Variants in ADAMTSL1 observed in about 807,000 individuals in gnomAD.
ADAMTSL1 encodes the protein ADAMTS-like protein 1.
In ADAMTSL1, 126 loss-of-function variants were observed where a neutral mutation model predicts 201.8. The ratio of observed to expected loss-of-function variants is 0.62; its 90% CI spans 0.54 to 0.72. The LOEUF is 0.72. Ranked by LOEUF, ADAMTSL1 falls within the 30% of genes least tolerant of loss-of-function variation. ADAMTSL1 has a pLI of 0.00. For missense variants in ADAMTSL1, 2,679 were observed against 2,277.8 expected (o/e 1.18, Z -3.59); for synonymous variants, 1,121 against 903.4 (o/e 1.24, Z -4.32).
chr9:18,838,360 TACACACACAC>T (rs775337751), intron 23 of ADAMTSL1, among the ~76,000 whole-genome samples: 28 of 86,692 alleles, frequency 3.2e-4, no homozygotes, highest in African/African-American at 2.1e-4. Flanking sequence ...CAAACCATAT[TACACACACAC>T]ACACACACAC....
At chr9:18,800,942 T>C (rs1188354004) in intron 20 of ADAMTSL1, among the ~76,000 whole-genome samples, 1 of 151,934 alleles carries the variant, frequency 6.6e-6, no homozygotes, top group Non-Finnish European at 1.5e-5. Flanking sequence ...GAAGAGGTAA[T>C]GGTAGTAATC....
chr9:18,434,109 C>A (rs1321761066), intron 2 of ADAMTSL1, among the ~76,000 whole-genome samples: 3 of 152,062 alleles, frequency 2.0e-5, no homozygotes, highest in South Asian at 2.1e-4. Context: ...TAGAAAAGAG[C>A]AATTATAGAG....
intron 2 of ADAMTSL1, among the ~76,000 whole-genome samples, chr9:18,259,408 C>T (rs1164934728): frequency 6.6e-6 from 1 of 151,922 alleles, no homozygotes; most frequent in East Asian, 1.9e-4. Context: ...GCCTGTAGTC[C>T]CAGCTACTCA....
chr9:18,068,457 C>G (rs923388845), intron 1 of ADAMTSL1, among the ~76,000 whole-genome samples: 48 of 152,190 alleles, frequency 3.2e-4, no homozygotes, highest in African/African-American at 1.1e-3. Flanking sequence ...TATGCAAATA[C>G]TAGACCATTT....
At chr9:18,044,495 G>A (rs1179520055) in intron 1 of ADAMTSL1, among the ~76,000 whole-genome samples, 1 of 152,136 alleles carries the variant, frequency 6.6e-6, no homozygotes, top group Non-Finnish European at 1.5e-5. Context: ...GCGATTTGGT[G>A]TAGGGACTTG....
At chr9:18,095,511 C>T (rs1257616606) in intron 1 of ADAMTSL1, among the ~76,000 whole-genome samples, 1 of 151,202 alleles carries the variant, frequency 6.6e-6, no homozygotes, top group Non-Finnish European at 1.5e-5. Context: ...CAACCTCCCC[C>T]TTCTAGGTTC....
At chr9:18,720,080 A>G (rs182852683) in intron 14 of ADAMTSL1, among the ~76,000 whole-genome samples, 67 of 152,300 alleles carry the variant, frequency 4.4e-4, no homozygotes, top group African/African-American at 1.6e-3. Flanking sequence ...AATTAGTGAG[A>G]ATGTCCTGTC....
upstream of ADAMTSL1, chr9:18,473,968 C>T: frequency 2.3e-6 from 1 of 437,972 alleles, no homozygotes; most frequent in Non-Finnish European, 4.0e-6. Flanking sequence ...CACCGTTACA[C>T]TTTCTCTGTC....
intron 1 of ADAMTSL1, among the ~76,000 whole-genome samples, chr9:17,953,032 A>AG (rs1332897814): frequency 1.0e-5 from 1 of 99,698 alleles, no homozygotes; most frequent in Non-Finnish European, 2.2e-5. Flanking sequence ...CAATTTCCAT[A>AG]GTTTTTTTTT....
chr9:18,322,717 A>C (rs1217633917), intron 2 of ADAMTSL1, among the ~76,000 whole-genome samples: 1 of 152,168 alleles, frequency 6.6e-6, no homozygotes, highest in Non-Finnish European at 1.5e-5. Flanking sequence ...GAAAAAACAC[A>C]AATCACCAAT....
At chr9:18,049,172 A>G (rs1057020553) in intron 1 of ADAMTSL1, among the ~76,000 whole-genome samples, 3 of 152,230 alleles carry the variant, frequency 2.0e-5, no homozygotes, top group Non-Finnish European at 2.9e-5. Flanking sequence ...CAACTTCATT[A>G]CATCTACAAA....
At position 18,753,565 on chromosome 9, in the gene ADAMTSL1, A is replaced by G. The variant is rs1819584962; in HGVS notation, c.2217+57A>G. 12 of 1,543,144 alleles carry G rather than the reference A, an allele frequency of 7.8e-6. No homozygotes were observed. In the East Asian group the frequency reaches 2.9e-4, roughly 37 times the overall value. ...TTTGTTTGCAACAGTGACTCAAAAA[A>G]GGGATGCTCTCTCAGAGTGGTTTTG... On this transcript the variant is annotated intron_variant, in intron 16 of 28. Transcript: ENST00000380548.
At chr9:18,098,283 A>G (rs1432342557) in intron 1 of ADAMTSL1, among the ~76,000 whole-genome samples, 1 of 152,082 alleles carries the variant, frequency 6.6e-6, no homozygotes, top group African/African-American at 2.4e-5. Context: ...GACTATTTTG[A>G]CTAGTTTCTT....
At chr9:18,417,138 A>G (rs544144632) in intron 2 of ADAMTSL1, among the ~76,000 whole-genome samples, 2 of 152,138 alleles carry the variant, frequency 1.3e-5, no homozygotes, top group East Asian at 3.9e-4. Flanking sequence ...TTTTCAAAAT[A>G]TTTAGAAATG....
chr9:18,442,869 G>A (rs1024020985), intron 2 of ADAMTSL1, among the ~76,000 whole-genome samples: 14 of 152,178 alleles, frequency 9.2e-5, no homozygotes, highest in Non-Finnish European at 2.1e-4. Context: ...CAGGGCTAAG[G>A]AAAAGCAAAT....
chr9:17,917,512 G>A (rs578173382), intron 1 of ADAMTSL1, among the ~76,000 whole-genome samples: 3 of 151,906 alleles, frequency 2.0e-5, no homozygotes, highest in African/African-American at 7.2e-5. Flanking sequence ...ATATTTGAAT[G>A]TTCAACCTAC....
At chr9:18,141,256 A>G (rs1464219317) in intron 1 of ADAMTSL1, among the ~76,000 whole-genome samples, 1 of 152,116 alleles carries the variant, frequency 6.6e-6, no homozygotes, top group Non-Finnish European at 1.5e-5. Flanking sequence ...AGAGTGGAAG[A>G]GCAGTTGAAG....
In ADAMTSL1 at chr9:18,794,018, T is replaced by A. The variant is rs1479868249; in HGVS notation, c.3678-1379T>A. ...ACTCACAGTTTGATTCTTTTAAGTC[T>A]TTTCAGATTAAAAAAAAAAAAGTCT... On this transcript the variant is annotated intron_variant, in intron 19 of 28. Coordinates refer to ENST00000380548, the MANE Select transcript of ADAMTSL1 (RefSeq NM_001040272.6). Among the ~76,000 whole-genome samples the A allele has an allele frequency of 8.7e-5, 13 of 149,462 alleles. No individual in the cohort carries two copies. The Admixed American group carries it at 8.9e-4, about 10-fold the overall frequency.
At chr9:18,728,162 G>C (rs746921495) in intron 15 of ADAMTSL1, among the ~76,000 whole-genome samples, 1 of 151,938 alleles carries the variant, frequency 6.6e-6, no homozygotes, top group Admixed American at 6.6e-5. Flanking sequence ...GTATTTAGTT[G>C]CTGCATGAGT....
Sources: allele counts gnomAD v4.1 joint callset (sites outside exome capture counted in the v4.1 genomes callset), GRCh38; gene constraint gnomAD v4.1.1; transcripts MANE v1.5; gene names NCBI Gene and HGNC (gene_info 2026-07-23, HGNC 2026-07-21).